Variants in IGF1R observed in about 807,000 individuals in gnomAD.
IGF1R encodes insulin-like growth factor 1 receptor.
A neutral mutation model predicts 144.6 loss-of-function variants in IGF1R; 44 were observed. The ratio of observed to expected loss-of-function variants is 0.30; its 90% CI spans 0.24 to 0.39. The LOEUF is 0.39. Among genes scored for constraint, IGF1R ranks in the 10% least tolerant of loss-of-function variants. IGF1R has a pLI of 1.00. For missense variants in IGF1R, 1,355 were observed against 1,833.7 expected (o/e 0.74, Z 4.77); for synonymous variants, 795 against 722.8 (o/e 1.10, Z -1.60).
At chr15:98,709,530 A>G (rs984311982) in intron 2 of IGF1R, among the ~76,000 whole-genome samples, 3 of 152,212 alleles carry the variant, frequency 2.0e-5, no homozygotes, top group Admixed American at 6.5e-5. Flanking sequence ...AAACTGCCCT[A>G]TCATTAAGTT....
In IGF1R at chr15:98,957,158, T is replaced by C; in HGVS notation, c.3820T>C (p.Phe1274Leu). The change falls in exon 21 of 21, where the codon TTC becomes CTC. Residue 1274 changes from phenylalanine (F) to leucine (L), a missense_variant. Transcript: ENST00000650285. ...SSIKEEMEPG[F>L]REVSFYYSEE... The stretch of plus-strand genomic sequence containing the variant: ...CATCAAAGAGGAGATGGAGCCTGGC[T>C]TCCGGGAGGTCTCCTTCTACTACAG... 6.2e-7 allele frequency: 1 copy of C among 1,614,258 alleles called. No individual in the cohort carries two copies. The highest frequency in any genetic ancestry group is 8.5e-7 in the Non-Finnish European group (1 of 1,180,054).
intron 2 of IGF1R, among the ~76,000 whole-genome samples, chr15:98,819,450 A>C (rs1487664769): frequency 1.3e-5 from 2 of 152,146 alleles, no homozygotes; most frequent in African/African-American, 2.4e-5. Flanking sequence ...GTGCCTTTAT[A>C]AAAGAGAGCT....
At chr15:98,903,744 AT>A (rs2151663121) in intron 5 of IGF1R, among the ~76,000 whole-genome samples, 1 of 152,388 alleles carries the variant, frequency 6.6e-6, no homozygotes, top group Non-Finnish European at 1.5e-5. Flanking sequence ...CTACTCAACA[AT>A]AAAAAGACGT....
At chr15:98,887,229 G>C (rs535388170) in intron 2 of IGF1R, among the ~76,000 whole-genome samples, 1 of 152,190 alleles carries the variant, frequency 6.6e-6, no homozygotes, top group Admixed American at 6.5e-5. Flanking sequence ...TGACTGGATG[G>C]TATAATTTCA....
chr15:98,854,223 G>A (rs756126918), intron 2 of IGF1R, among the ~76,000 whole-genome samples: 3 of 152,148 alleles, frequency 2.0e-5, no homozygotes, highest in Non-Finnish European at 2.9e-5. Flanking sequence ...ACAAAACTGG[G>A]CAAGTGATTG....
At chr15:98,738,906 G>C (rs1394440960) in intron 2 of IGF1R, among the ~76,000 whole-genome samples, 5 of 152,156 alleles carry the variant, frequency 3.3e-5, no homozygotes, top group Non-Finnish European at 7.3e-5. Flanking sequence ...TTCTCACCCT[G>C]AGTGGCTACA....
chr15:98,956,575 G>A (rs1416091432), intron 20 of IGF1R, among the ~76,000 whole-genome samples: 1 of 152,188 alleles, frequency 6.6e-6, no homozygotes, highest in East Asian at 1.9e-4. Flanking sequence ...CTTAGAAATA[G>A]CACAGGTGGG....
intron 2 of IGF1R, among the ~76,000 whole-genome samples, chr15:98,731,257 C>A (rs1198275432): frequency 6.6e-6 from 1 of 152,202 alleles, no homozygotes; most frequent in African/African-American, 2.4e-5. Context: ...ATCCTTTCTT[C>A]AGTGTTATAG....
At chr15:98,846,442 T>C (rs1379598913) in intron 2 of IGF1R, among the ~76,000 whole-genome samples, 1 of 152,218 alleles carries the variant, frequency 6.6e-6, no homozygotes, top group Non-Finnish European at 1.5e-5. Flanking sequence ...TAATAGGTCT[T>C]TACTTTGGGG....
rs1410082106 is a variant in IGF1R, at chr15:98,959,916, CCA to C, written c.*2475_*2476del. 4.3e-6 allele frequency: 1 copy of C among 231,972 alleles called. No individual in the cohort carries two copies. Among genetic ancestry groups the C allele is most frequent in the African/African-American group, 2.2e-5 (1 of 44,942 alleles). 14.4% of individuals were successfully genotyped at this position (231,972 alleles called of 1,614,324 possible). A position where few individuals can be genotyped will look rare whatever the true frequency, so the allele number is the denominator to read the frequency against. The stretch of plus-strand genomic sequence containing the variant: ...TTTTAATTTATTTTGTGATAAATTA[CCA>C]GTTTCAATCACTGTAGAAAAGCCCC... On this transcript the variant is annotated 3_prime_UTR_variant, in exon 21 of 21. Transcript: ENST00000650285.
intron 2 of IGF1R, among the ~76,000 whole-genome samples, chr15:98,877,252 TG>T (rs2013104267): frequency 6.6e-6 from 1 of 152,190 alleles, no homozygotes; most frequent in African/African-American, 2.4e-5. Context: ...GGCACAATGC[TG>T]TGTTTAAAAA....
intron 8 of IGF1R, among the ~76,000 whole-genome samples, chr15:98,914,710 A>G (rs4966040): frequency 1 from 151,902 of 152,332 alleles, 75,739 homozygotes; most frequent in Middle Eastern, 1. Context: ...TTTCCTTTCC[A>G]CAAAGATGGA....
At chr15:98,651,393 G>GGCGAAA (rs1371433342) in intron 1 of IGF1R, among the ~76,000 whole-genome samples, 4 of 152,204 alleles carry the variant, frequency 2.6e-5, no homozygotes, top group African/African-American at 9.7e-5. Context: ...GACTCGATTG[G>GGCGAAA]GCGAAAGCCT....
chr15:98,809,994 C>T (rs2056551862), intron 2 of IGF1R, among the ~76,000 whole-genome samples: 1 of 152,162 alleles, frequency 6.6e-6, no homozygotes, highest in Non-Finnish European at 1.5e-5. Context: ...CAGACTCCCG[C>T]TTTAGGGAAG....
chr15:98,789,866 G>A (rs1246648865), intron 2 of IGF1R, among the ~76,000 whole-genome samples: 1 of 152,072 alleles, frequency 6.6e-6, no homozygotes, highest in Non-Finnish European at 1.5e-5. Flanking sequence ...AGTCAGAGAG[G>A]CGGGTTGCTG....
intron 1 of IGF1R, among the ~76,000 whole-genome samples, chr15:98,688,977 G>T (rs1320772899): frequency 6.6e-6 from 1 of 152,142 alleles, no homozygotes; most frequent in Non-Finnish European, 1.5e-5. Flanking sequence ...CTGTGTGGTG[G>T]GCGACGACTT....
intron 2 of IGF1R, among the ~76,000 whole-genome samples, chr15:98,764,639 A>G (rs971514661): frequency 6.6e-6 from 1 of 152,256 alleles, no homozygotes; most frequent in African/African-American, 2.4e-5. Flanking sequence ...AACAATTTGT[A>G]GTTTTTTTCT....
intron 2 of IGF1R, among the ~76,000 whole-genome samples, chr15:98,865,461 G>T (rs991481878): frequency 1.3e-5 from 2 of 152,180 alleles, no homozygotes; most frequent in African/African-American, 2.4e-5. Context: ...GTGGGGCTCG[G>T]CGTGCATAGC....
At chr15:98,712,062 G>C (rs1191605119) in intron 2 of IGF1R, among the ~76,000 whole-genome samples, 1 of 152,170 alleles carries the variant, frequency 6.6e-6, no homozygotes, top group African/African-American at 2.4e-5. Flanking sequence ...CTGGGGATTA[G>C]GTTTCAACAT....
Sources: allele counts gnomAD v4.1 joint callset (sites outside exome capture counted in the v4.1 genomes callset), GRCh38; gene constraint gnomAD v4.1.1; transcripts MANE v1.5; gene names NCBI Gene and HGNC (gene_info 2026-07-23, HGNC 2026-07-21).